The following ATF6 variants were observed in gnomAD, a reference collection of about 807,000 sequenced individuals.
The protein encoded by ATF6 is activating transcription factor 6.
Under a neutral mutation model 83.6 loss-of-function variants are expected in ATF6, and 53 were observed. The ratio of observed to expected loss-of-function variants is 0.63; its 90% CI spans 0.51 to 0.80. The LOEUF (loss-of-function observed/expected upper bound fraction) is 0.80, where lower values mean the gene tolerates loss of function less well. Among genes scored for constraint, ATF6 ranks in the 30% least tolerant of loss-of-function variants. ATF6 has a pLI of 0.00. For synonymous variants in ATF6, 288 were observed against 285.8 expected (o/e 1.01, Z -0.08); for missense variants, 744 against 797.9 (o/e 0.93, Z 0.81).
intron 3 of ATF6, 132 bp from the exon 4 acceptor site, chr1:161,783,858 C>T: frequency 4.9e-6 from 3 of 616,582 alleles, no homozygotes; most frequent in South Asian, 2.0e-5. Flanking sequence ...TTCATTTTCA[C>T]TCGTTATATT....
intron 2 of ATF6, among the ~76,000 whole-genome samples, chr1:161,781,605 T>C (rs1326573721): frequency 6.6e-6 from 1 of 152,192 alleles, no homozygotes; most frequent in Non-Finnish European, 1.5e-5. Context: ...TCCCTTAAGA[T>C]AAAAGACACA....
At chr1:161,806,192 T>C (rs74348878) in intron 7 of ATF6, among the ~76,000 whole-genome samples, 1 of 152,296 alleles carries the variant, frequency 6.6e-6, no homozygotes, top group African/African-American at 2.4e-5. Flanking sequence ...TAAATGGCAA[T>C]CTTGGAACTA....
chr1:161,794,666 T>G (rs565266702), intron 6 of ATF6, among the ~76,000 whole-genome samples: 1 of 152,326 alleles, frequency 6.6e-6, no homozygotes, highest in East Asian at 1.9e-4. Flanking sequence ...AAATCCCTTC[T>G]TCTAGCTCAA....
intron 10 of ATF6, among the ~76,000 whole-genome samples, chr1:161,849,846 C>T (rs1398750876): frequency 2.6e-5 from 4 of 152,126 alleles, no homozygotes; most frequent in Admixed American, 1.3e-4. Context: ...TCAAACTTAA[C>T]ATGTGCACTG....
intron 14 of ATF6, among the ~76,000 whole-genome samples, chr1:161,878,940 G>A (rs547601243): frequency 5.3e-5 from 8 of 152,090 alleles, no homozygotes; most frequent in Non-Finnish European, 8.8e-5. Flanking sequence ...GTAGGGTTTT[G>A]TCTTATTTTC....
At chr1:161,943,210 G>T (rs1688685878) in intron 15 of ATF6, among the ~76,000 whole-genome samples, 1 of 152,144 alleles carries the variant, frequency 6.6e-6, no homozygotes, top group Non-Finnish European at 1.5e-5. Flanking sequence ...CCAGGTGGAG[G>T]TAATTCGATC....
At chr1:161,775,499 A>T (rs146546149) in intron 1 of ATF6, among the ~76,000 whole-genome samples, 50 of 151,966 alleles carry the variant, frequency 3.3e-4, no homozygotes, top group African/African-American at 1.2e-3. Flanking sequence ...CTACCTACCT[A>T]CCTTCCTTCC....
chr1:161,901,555 A>C (rs926134703), intron 14 of ATF6, among the ~76,000 whole-genome samples: 1 of 151,476 alleles, frequency 6.6e-6, no homozygotes, highest in Non-Finnish European at 1.5e-5. Context: ...GATTTTTAAT[A>C]TGTGATTTAA....
intron 6 of ATF6, among the ~76,000 whole-genome samples, chr1:161,793,044 C>A (rs969148605): frequency 2.0e-5 from 3 of 152,086 alleles, no homozygotes; most frequent in Non-Finnish European, 4.4e-5. Flanking sequence ...ATTCTTATCT[C>A]TGGATTTAGT....
At chr1:161,793,709 C>G (rs934722096) in intron 6 of ATF6, among the ~76,000 whole-genome samples, 54 of 152,278 alleles carry the variant, frequency 3.5e-4, no homozygotes, top group African/African-American at 1.3e-3. Flanking sequence ...AGAATTTGCC[C>G]TTAGCAGATC....
At chr1:161,861,188 A>G (rs1686879006) in intron 13 of ATF6, among the ~76,000 whole-genome samples, 1 of 152,162 alleles carries the variant, frequency 6.6e-6, no homozygotes, top group Non-Finnish European at 1.5e-5. Context: ...AAATTTGAGG[A>G]TCTCAGCTTC....
At chr1:161,892,729 C>T (rs1687583867) in intron 14 of ATF6, among the ~76,000 whole-genome samples, 1 of 151,258 alleles carries the variant, frequency 6.6e-6, no homozygotes, top group African/African-American at 2.4e-5. Flanking sequence ...CTCTGCCTCC[C>T]AGGTTCAAGA....
At chr1:161,853,412 T>TA (rs1686685897) in intron 12 of ATF6, 89 bp downstream of exon 12, 1 of 903,338 alleles carries the variant, frequency 1.1e-6, no homozygotes, top group Non-Finnish European at 1.8e-6. Context: ...AGAAGGTTGG[T>TA]AAACTTGAGC....
intron 14 of ATF6, among the ~76,000 whole-genome samples, chr1:161,866,393 A>G (rs1257170810): frequency 1.3e-5 from 2 of 152,196 alleles, no homozygotes; most frequent in African/African-American, 2.4e-5. Context: ...TCTAAAGCAG[A>G]CACACTCTTG....
chr1:161,796,196 T>A (rs770139463), intron 6 of ATF6, among the ~76,000 whole-genome samples: 3 of 152,236 alleles, frequency 2.0e-5, no homozygotes, highest in Non-Finnish European at 2.9e-5. Context: ...CAAAGCCCTC[T>A]GTACATGTTA....
intron 9 of ATF6, among the ~76,000 whole-genome samples, chr1:161,833,829 T>G (rs949287573): frequency 6.6e-6 from 1 of 152,132 alleles, no homozygotes; most frequent in Admixed American, 6.5e-5. Context: ...TGGAAAACAC[T>G]CTGCAGGATA....
At chr1:161,943,504 G>C (rs1444369295) in intron 15 of ATF6, among the ~76,000 whole-genome samples, 1 of 152,164 alleles carries the variant, frequency 6.6e-6, no homozygotes, top group African/African-American at 2.4e-5. Context: ...CCTGTAAGGA[G>C]AGTGGTCCGC....
chr1:161,836,289 C>T (rs1024015701), intron 9 of ATF6, among the ~76,000 whole-genome samples: 3 of 152,132 alleles, frequency 2.0e-5, no homozygotes, highest in Non-Finnish European at 2.9e-5. Flanking sequence ...GAGCACATTT[C>T]GCCATATGAT....
intron 15 of ATF6, among the ~76,000 whole-genome samples, chr1:161,953,833 C>T (rs146479110): frequency 2.1e-4 from 32 of 152,286 alleles, no homozygotes; most frequent in African/African-American, 7.2e-4. Context: ...CAATTTCACC[C>T]CACCTCAATT....
Sources: allele counts gnomAD v4.1 joint callset (sites outside exome capture counted in the v4.1 genomes callset), GRCh38; gene constraint gnomAD v4.1.1; transcripts MANE v1.5; gene names NCBI Gene and HGNC (gene_info 2026-07-23, HGNC 2026-07-21).